The following URGCP variants were observed in gnomAD, a reference collection of about 807,000 sequenced individuals.
URGCP encodes the protein upregulator of cell proliferation.
In URGCP, 13 loss-of-function variants were observed where a neutral mutation model predicts 24.6. The observed-to-expected ratio is 0.53, with a 90% CI of 0.34 to 0.84. URGCP has a LOEUF of 0.84. URGCP is among the 40% of genes least tolerant of loss of function. URGCP has a pLI of 0.01. For missense variants in URGCP, 899 were observed against 1,194.3 expected (o/e 0.75, Z 3.64); for synonymous variants, 444 against 487.2 (o/e 0.91, Z 1.17).
chr7:43,924,747 G>A (rs1390792346), intron 1 of URGCP, among the ~76,000 whole-genome samples: 1 of 152,142 alleles, frequency 6.6e-6, no homozygotes, highest in Non-Finnish European at 1.5e-5. Flanking sequence ...GAGGTAGGAA[G>A]GAGAAGGTAA....
At chr7:43,909,411 T>C (rs2095907599), upstream of URGCP, among the ~76,000 whole-genome samples, 1 of 152,212 alleles carries the variant, frequency 6.6e-6, no homozygotes, top group South Asian at 2.1e-4. Flanking sequence ...TTCAAAATCA[T>C]TGCCAACTTC....
intron 1 of URGCP, among the ~76,000 whole-genome samples, chr7:43,892,420 C>CAATTTTTT (rs1273162211): frequency 6.6e-6 from 1 of 151,192 alleles, no homozygotes; most frequent in East Asian, 1.9e-4. Context: ...CGAACAGCCC[C>CAATTTTTT]AATTTTTTTT....
chr7:43,882,045 C>A (rs2095854717), intron 3 of URGCP, 88 bp from the exon 4 acceptor site: 3 of 1,590,796 alleles, frequency 1.9e-6, no homozygotes, highest in East Asian at 2.2e-5. Context: ...ATGCCTGTAA[C>A]CCCAGCACTT....
chr7:43,909,687 T>A (rs2095907919), upstream of URGCP, among the ~76,000 whole-genome samples: 1 of 151,842 alleles, frequency 6.6e-6, no homozygotes, highest in African/African-American at 2.4e-5. Flanking sequence ...GCCACTGCAC[T>A]CTAGCCTGGG....
intron 1 of URGCP, among the ~76,000 whole-genome samples, chr7:43,924,022 A>T (rs563669132): frequency 2.6e-5 from 4 of 151,948 alleles, no homozygotes; most frequent in African/African-American, 9.7e-5. Flanking sequence ...GGTGCATGCC[A>T]CCACACCTGG....
At chr7:43,880,563 T>C (rs2095852301) in intron 5 of URGCP, among the ~76,000 whole-genome samples, 1 of 152,168 alleles carries the variant, frequency 6.6e-6, no homozygotes, top group African/African-American at 2.4e-5. Context: ...TCATCTCAGC[T>C]TCTGAGGAGC....
upstream of URGCP, chr7:43,907,116 T>C (rs963671392): frequency 7.0e-6 from 1 of 142,626 alleles, no homozygotes; most frequent in Non-Finnish European, 1.5e-5. Context: ...GAAGCACTTT[T>C]ATTATTCTTT....
chr7:43,887,950 C>A, intron 1 of URGCP, 134 bp from the exon 2 acceptor site: 2 of 595,004 alleles, frequency 3.4e-6, no homozygotes, highest in Non-Finnish European at 5.9e-6. Context: ...TTAAAAAATA[C>A]GCTATGGATT....
At chr7:43,918,985 G>T in intron 1 of URGCP, 1 of 1,289,366 alleles carries the variant, frequency 7.8e-7, no homozygotes, top group Non-Finnish European at 1.1e-6. Context: ...TCGGAGCATG[G>T]GGGAAGAGCT....
At chr7:43,883,877 C>T (rs191953953) in intron 3 of URGCP, among the ~76,000 whole-genome samples, 2 of 152,274 alleles carry the variant, frequency 1.3e-5, no homozygotes, top group South Asian at 2.1e-4. Flanking sequence ...ACAAGATCCA[C>T]ACACATCAAC....
Position 43,878,936 on chromosome 7 carries a change from G to T in URGCP, c.527C>A (p.Thr176Asn). 2 of 1,614,236 alleles carry T rather than the reference G, an allele frequency of 1.2e-6. No homozygotes were observed. The highest frequency in any genetic ancestry group is 1.7e-6 in the Non-Finnish European group (2 of 1,180,042). The change falls in exon 6 of 6, where the codon ACC (threonine) becomes AAC (asparagine). Residue 176 changes from threonine (T) to asparagine (N), a missense_variant. Thr to Asn is a moderately conservative substitution (Grantham distance 65, BLOSUM62 0). Transcript: ENST00000453200. The surrounding 1 kb of genome is among the most constrained non-coding windows in gnomAD (Gnocchi z 5.6). Reference protein sequence around the residue: ...ADIYSFSELPTPDTPVNPLDL... With the variant: ...ADIYSFSELPNPDTPVNPLDL... ...TAAGGGGTTCACTGGCGTATCAGGGGTGGGCAGCTCAGAAAAGGAATAAAT... is the reference window on the plus strand; with the variant it reads ...TAAGGGGTTCACTGGCGTATCAGGGTTGGGCAGCTCAGAAAAGGAATAAAT...
At chr7:43,883,997 A>C (rs900473340) in intron 3 of URGCP, among the ~76,000 whole-genome samples, 1 of 152,188 alleles carries the variant, frequency 6.6e-6, no homozygotes, top group Non-Finnish European at 1.5e-5. Context: ...TGGTTAGAGA[A>C]AAGAATGGGA....
intron 1 of URGCP, among the ~76,000 whole-genome samples, chr7:43,902,980 T>C (rs1417638852): frequency 6.6e-6 from 1 of 152,128 alleles, no homozygotes; most frequent in East Asian, 1.9e-4. Context: ...TGGAATATTA[T>C]ATGTCTGTCA....
chr7:43,905,104 C>T (rs371652079), intron 1 of URGCP, among the ~76,000 whole-genome samples: 1 of 152,220 alleles, frequency 6.6e-6, no homozygotes, highest in East Asian at 1.9e-4. Flanking sequence ...ACAGTTTAAG[C>T]CCTACTGGCT....
intron 1 of URGCP, among the ~76,000 whole-genome samples, chr7:43,899,535 A>G (rs115278247): frequency 1.2e-4 from 18 of 152,254 alleles, no homozygotes; most frequent in African/African-American, 4.3e-4. Context: ...AAAATTTTGA[A>G]AAAGAACAGT....
chr7:43,897,072 T>G (rs573212677), intron 1 of URGCP, among the ~76,000 whole-genome samples: 2 of 152,126 alleles, frequency 1.3e-5, no homozygotes, highest in Admixed American at 1.3e-4. Context: ...TTAAGAAGTG[T>G]AGGACTTGTA....
chr7:43,908,873 T>G (rs1279726995), upstream of URGCP, among the ~76,000 whole-genome samples: 2 of 152,190 alleles, frequency 1.3e-5, no homozygotes, highest in Non-Finnish European at 2.9e-5. Context: ...TTTTTGTGAG[T>G]TGATTTTTCA....
intron 1 of URGCP, chr7:43,889,635 A>G (rs1585804437): frequency 6.6e-6 from 1 of 152,332 alleles, no homozygotes; most frequent in East Asian, 1.9e-4. Context: ...TGAAAATTAT[A>G]CCCTATGTTA....
intron 1 of URGCP, chr7:43,920,174 G>A (rs538449979): frequency 8.6e-6 from 5 of 584,174 alleles, no homozygotes; most frequent in African/African-American, 5.6e-5. Flanking sequence ...TCATATACAT[G>A]CATTTTCTGT....
Sources: gnomAD v4.1 joint callset for allele counts (sites outside exome capture counted in the v4.1 genomes callset) on GRCh38, gnomAD v4.1.1 for gene constraint, Gnocchi (gnomAD v3.1) non-coding constraint, MANE v1.5 for transcripts, NCBI Gene and HGNC (gene_info 2026-07-23, HGNC 2026-07-21) for gene names.